DLC1: variants seen among roughly 807,000 people sequenced by gnomAD.
DLC1 encodes the protein DLC1 Rho GTPase activating protein.
A neutral mutation model predicts 140.3 loss-of-function variants in DLC1; 54 were observed. That is an observed-to-expected ratio of 0.38 (90% CI 0.31 to 0.48). The LOEUF (loss-of-function observed/expected upper bound fraction) is 0.48. DLC1 is among the 20% of genes least tolerant of loss of function. DLC1 has a pLI of 0.96. For synonymous variants in DLC1, 986 were observed against 728.1 expected, an observed-to-expected ratio of 1.35 and a Z score of -5.70; for missense variants, 2,536 against 1,907.0, an observed-to-expected ratio of 1.33 and a Z score of -6.14.
chr8:13,345,862 C>T (rs778906413), intron 4 of DLC1, among the ~76,000 whole-genome samples: 8 of 152,142 alleles, frequency 5.3e-5, no homozygotes, highest in Admixed American at 2.6e-4. Context: ...TCTGGCCATT[C>T]ACGCTTTTGA....
chr8:13,568,504 T>C (rs1804535377), intron 1 of DLC1, among the ~76,000 whole-genome samples: 1 of 152,084 alleles, frequency 6.6e-6, no homozygotes, highest in Non-Finnish European at 1.5e-5. Flanking sequence ...GCAAAATAAA[T>C]TGGGGTAGGA....
chr8:13,300,522 A>T (rs1832146533), intron 5 of DLC1, among the ~76,000 whole-genome samples: 1 of 152,136 alleles, frequency 6.6e-6, no homozygotes. Context: ...CTCCTGCTAG[A>T]GCTTCTCGTC....
chr8:13,474,963 A>T (rs1800375842), intron 2 of DLC1, among the ~76,000 whole-genome samples: 3 of 152,152 alleles, frequency 2.0e-5, no homozygotes. Flanking sequence ...ATGCTCCACC[A>T]CGCTTAGCTA....
At chr8:13,222,773 T>G (rs904320287) in intron 5 of DLC1, among the ~76,000 whole-genome samples, 2 of 152,174 alleles carry the variant, frequency 1.3e-5, no homozygotes, top group African/African-American at 4.8e-5. Flanking sequence ...GGACAGGGTC[T>G]TGCTCTGTCA....
At chr8:13,601,375 C>T (rs985355876) in intron 1 of DLC1, among the ~76,000 whole-genome samples, 1 of 151,742 alleles carries the variant, frequency 6.6e-6, no homozygotes, top group Admixed American at 6.6e-5. Context: ...GTAGTCTACT[C>T]ATTTAGTCTC....
chr8:13,401,756 T>G, intron 2 of DLC1, 137 bp from the exon 3 acceptor site: 1 of 1,103,434 alleles, frequency 9.1e-7, no homozygotes, highest in East Asian at 2.5e-5. Flanking sequence ...TTCCATTCTG[T>G]ATCATCAATG....
chr8:13,387,917 C>T (rs1836594243), intron 4 of DLC1, among the ~76,000 whole-genome samples: 2 of 152,012 alleles, frequency 1.3e-5, no homozygotes, highest in South Asian at 4.1e-4. Flanking sequence ...TCAAATGTAG[C>T]ATTTCTTCAT....
At chr8:13,330,819 C>T (rs2116942792) in intron 4 of DLC1, among the ~76,000 whole-genome samples, 1 of 152,290 alleles carries the variant, frequency 6.6e-6, no homozygotes, top group South Asian at 2.1e-4. Flanking sequence ...CCTCTACAAA[C>T]TGAACATGAC....
intron 5 of DLC1, among the ~76,000 whole-genome samples, chr8:13,271,679 G>GT (rs942117849): frequency 6.6e-6 from 1 of 151,984 alleles, no homozygotes; most frequent in Admixed American, 6.6e-5. Flanking sequence ...AAATATTTTT[G>GT]TTTGTTTTTA....
intron 2 of DLC1, among the ~76,000 whole-genome samples, chr8:13,456,436 C>T (rs1392989161): frequency 6.7e-6 from 1 of 150,186 alleles, no homozygotes; most frequent in South Asian, 2.1e-4. Flanking sequence ...CAATAACATA[C>T]TTCTACTTCC....
chr8:13,204,185 T>G (rs1276400654), intron 5 of DLC1, among the ~76,000 whole-genome samples: 1 of 152,218 alleles, frequency 6.6e-6, no homozygotes, highest in Non-Finnish European at 1.5e-5. Context: ...TTAGGTCTAG[T>G]AATCTCCAAG....
intron 4 of DLC1, among the ~76,000 whole-genome samples, chr8:13,325,237 G>A (rs577335625): frequency 4.7e-4 from 72 of 152,310 alleles, no homozygotes; most frequent in African/African-American, 1.7e-3. Flanking sequence ...CTGGAGGCCT[G>A]GAAAGGAAGT....
At chr8:13,512,003 A>T (rs1802387500) in intron 1 of DLC1, among the ~76,000 whole-genome samples, 1 of 152,156 alleles carries the variant, frequency 6.6e-6, no homozygotes, top group African/African-American at 2.4e-5. Flanking sequence ...GTATAGACAG[A>T]GAGAGAAAAA....
chr8:13,303,585 T>G (rs896340742), intron 5 of DLC1, among the ~76,000 whole-genome samples: 4 of 152,114 alleles, frequency 2.6e-5, no homozygotes, highest in Non-Finnish European at 4.4e-5. Flanking sequence ...GCGGATCACC[T>G]GAGCTCAGGA....
At chr8:13,352,884 G>A (rs564514486) in intron 4 of DLC1, among the ~76,000 whole-genome samples, 68 of 152,050 alleles carry the variant, frequency 4.5e-4, no homozygotes, top group Middle Eastern at 3.4e-3. Flanking sequence ...AAATACCCAA[G>A]TAATAACCTC....
intron 5 of DLC1, among the ~76,000 whole-genome samples, chr8:13,139,992 C>A (rs576737028): frequency 1.3e-5 from 2 of 152,124 alleles, no homozygotes; most frequent in Non-Finnish European, 2.9e-5. Context: ...GTGACGATCA[C>A]CGTTATCCAT....
rs532064968 is a variant in DLC1 at position 13,302,116 on chromosome 8, A to G, written c.1348+3153T>C. Among the ~76,000 whole-genome samples the G allele has an allele frequency of 4.7e-4, 71 of 152,368 alleles. No homozygotes were observed. In the Middle Eastern group the frequency reaches 0.01, roughly 22 times the overall value. On this transcript the variant is annotated intron_variant, in intron 5 of 17. Coordinates refer to ENST00000276297, the MANE Select transcript of DLC1 (RefSeq NM_182643.3). ...ATTCTGTCTCAGATCCTAAGAAGGC[A>G]CATTCTCATCCAGAGTTTCCTGAAG...
chr8:13,255,401 C>T (rs1198557691), intron 5 of DLC1, among the ~76,000 whole-genome samples: 3 of 152,116 alleles, frequency 2.0e-5, no homozygotes, highest in African/African-American at 7.2e-5. Flanking sequence ...ATAAAAGGAA[C>T]TCCATAAATG....
chr8:13,439,789 C>G (rs891719618), intron 2 of DLC1, among the ~76,000 whole-genome samples: 1 of 152,134 alleles, frequency 6.6e-6, no homozygotes, highest in Non-Finnish European at 1.5e-5. Flanking sequence ...CCCTCGCTGC[C>G]TATATTTCCT....
Sources: gnomAD v4.1 joint callset for allele counts (sites outside exome capture counted in the v4.1 genomes callset) on GRCh38, gnomAD v4.1.1 for gene constraint, MANE v1.5 for transcripts, NCBI Gene and HGNC (gene_info 2026-07-23, HGNC 2026-07-21) for gene names.